The following TANK variants were observed in gnomAD, a reference collection of about 807,000 sequenced individuals.
The protein encoded by TANK is TRAF family member-associated NF-kappa-B activator.
A neutral mutation model predicts 43.6 loss-of-function variants in TANK; 15 were observed. That is an observed-to-expected ratio of 0.34 (90% CI 0.23 to 0.53). The LOEUF is 0.53. Ranked by LOEUF, TANK falls within the 20% of genes least tolerant of loss-of-function variation. TANK has a pLI of 0.94. For synonymous variants in TANK, 162 were observed against 178.2 expected, an observed-to-expected ratio of 0.91 and a Z score of 0.73; for missense variants, 417 against 498.6, an observed-to-expected ratio of 0.84 and a Z score of 1.56.
At position 161,235,403 on chromosome 2, in the gene TANK, C is replaced by T; in HGVS notation, c.1163C>T (p.Ser388Leu). Residue 388 changes from serine (S) to leucine (L), a missense_variant, in exon 8 of 8, where the codon TCA becomes TTA. Transcript: ENST00000392749. ...TCGGTGGTACTAAGTGGCACAGACT[C>T]AGAACTGCATATACCTCGAGTATGT... The part of the protein sequence containing the change: ...SDSVVLSGTD[S>L]ELHIPRVCEF... 18 of 1,613,542 alleles carry T rather than the reference C, an allele frequency of 1.1e-5. No individual in the cohort carries two copies. The highest frequency in any genetic ancestry group is 1.5e-5 in the Non-Finnish European group (18 of 1,179,744).
At position 161,203,104 on chromosome 2, in the gene TANK, T is replaced by A. The variant is rs1686493318; in HGVS notation, c.100-383T>A. On this transcript the variant is annotated intron_variant, in intron 2 of 7. Coordinates refer to ENST00000392749, the MANE Select transcript of TANK (RefSeq NM_001199135.3). ...TGAAAGACACAAAATCTTAATTTTT[T>A]AAGTTAGTATGTATTTTTAAAGAAT... The A allele has an allele frequency of 1.7e-5, 4 of 239,362 alleles. No individual in the cohort carries two copies. The South Asian group carries it at 1.8e-4, about 10-fold the overall frequency. 14.8% of individuals were successfully genotyped at this position (239,362 alleles called of 1,614,324 possible).
chr2:161,145,133 CTTTTTT>C (rs144526006), intron 1 of TANK, among the ~76,000 whole-genome samples: 6 of 32,878 alleles, frequency 1.8e-4, no homozygotes, highest in East Asian at 2.3e-3. Flanking sequence ...GCAACCCCTG[CTTTTTT>C]TTTTTTTTTT....
chr2:161,137,802 C>T (rs929679381), intron 1 of TANK: 4 of 151,802 alleles, frequency 2.6e-5, no homozygotes, highest in Admixed American at 2.0e-4. Flanking sequence ...GATGAAACCC[C>T]GTCTCTACTA....
intron 1 of TANK, among the ~76,000 whole-genome samples, chr2:161,164,849 G>A (rs778557843): frequency 7.9e-5 from 12 of 151,932 alleles, no homozygotes; most frequent in East Asian, 1.9e-4. Flanking sequence ...TTAAAGGGAC[G>A]TATTTTTCTT....
At position 161,231,000 on chromosome 2, in the gene TANK, A is replaced by G; in HGVS notation, c.550A>G (p.Thr184Ala). ...ETQCSVPIQC[T>A]DKTDKQEALF... ...ACAGTGCTCTGTGCCTATACAGTGT[A>G]CGGATAAAACAGATAAACAAGAAGC... Residue 184 changes from threonine (T) to alanine (A), a missense_variant, in exon 7 of 8, where the codon ACG becomes GCG. By Grantham distance (58) the Thr-to-Ala change is moderately conservative. Coordinates refer to ENST00000392749, the MANE Select transcript of TANK (RefSeq NM_001199135.3). 5 of 1,614,178 alleles carry G rather than the reference A, an allele frequency of 3.1e-6. No homozygotes were observed. In the South Asian group the frequency reaches 5.5e-5, roughly 18 times the overall value.
At chr2:161,233,844 G>A (rs1688043997) in intron 7 of TANK, among the ~76,000 whole-genome samples, 1 of 151,854 alleles carries the variant, frequency 6.6e-6, no homozygotes, top group Non-Finnish European at 1.5e-5. Flanking sequence ...ACAGTGATTT[G>A]TACTTTTTTG....
intron 2 of TANK, among the ~76,000 whole-genome samples, chr2:161,189,266 C>A (rs1685807410): frequency 6.6e-6 from 1 of 152,086 alleles, no homozygotes; most frequent in Non-Finnish European, 1.5e-5. Context: ...ATGTAATATA[C>A]CACGTTAACA....
At chr2:161,172,117 C>T (rs1388960745) in intron 1 of TANK, among the ~76,000 whole-genome samples, 1 of 152,054 alleles carries the variant, frequency 6.6e-6, no homozygotes, top group African/African-American at 2.4e-5. Flanking sequence ...GATAACATTT[C>T]TACATATTGG....
rs200697026 is a variant in TANK at position 161,224,683 on chromosome 2, T to C, written c.457T>C (p.Cys153Arg). 6.3e-6 allele frequency: 10 copies of C among 1,592,158 alleles called. No homozygotes were observed. Among genetic ancestry groups the C allele is most frequent in the Admixed American group, 1.7e-5 (1 of 57,762 alleles). The change falls in exon 6 of 8, where the codon TGC becomes CGC. Residue 153 changes from cysteine (C) to arginine (R), a missense_variant. Cys to Arg is a radical substitution (Grantham distance 180). Coordinates refer to ENST00000392749, the MANE Select transcript of TANK (RefSeq NM_001199135.3). Reference protein sequence around the residue: ...WDLKEEFHKICMLAKAQKDHL... With the variant: ...WDLKEEFHKIRMLAKAQKDHL... ...TCTGAAAGAAGAATTTCATAAAATA[T>C]GCATGCTAGCAAAAGCACAGAAAGA...
At chr2:161,161,142 A>G (rs1175872714) in intron 1 of TANK, 24 of 1,370,442 alleles carry the variant, frequency 1.8e-5, no homozygotes, top group Non-Finnish European at 2.1e-5. Context: ...ACTAGCAACG[A>G]GTTACAGGCA....
chr2:161,205,481 C>A (rs1036455904), intron 4 of TANK, among the ~76,000 whole-genome samples: 1 of 152,014 alleles, frequency 6.6e-6, no homozygotes, highest in Non-Finnish European at 1.5e-5. Context: ...GCTTTTTCTT[C>A]AATAGTCTGT....
chr2:161,222,114 A>C (rs748131159), intron 4 of TANK, among the ~76,000 whole-genome samples: 3 of 152,052 alleles, frequency 2.0e-5, no homozygotes, highest in African/African-American at 7.2e-5. Flanking sequence ...TTAGTTTTTT[A>C]ATACTTCTTT....
chr2:161,176,951 C>T (rs952095073), intron 1 of TANK, among the ~76,000 whole-genome samples: 3 of 152,092 alleles, frequency 2.0e-5, no homozygotes, highest in Non-Finnish European at 4.4e-5. Flanking sequence ...ATATTATAGT[C>T]CCTGTGACTA....
chr2:161,179,977 T>C, intron 2 of TANK: 1 of 1,225,936 alleles, frequency 8.2e-7, no homozygotes, highest in Non-Finnish European at 1.0e-6. Flanking sequence ...GATGGGCTCC[T>C]TTTCAGGTGA....
intron 1 of TANK, among the ~76,000 whole-genome samples, chr2:161,139,295 T>C (rs895748127): frequency 1.3e-5 from 2 of 152,208 alleles, no homozygotes; most frequent in African/African-American, 4.8e-5. Context: ...AGAATGAGGT[T>C]GGCTGTTGGT....
intron 1 of TANK, among the ~76,000 whole-genome samples, chr2:161,151,072 A>G (rs1684066528): frequency 6.6e-6 from 1 of 152,178 alleles, no homozygotes; most frequent in African/African-American, 2.4e-5. Flanking sequence ...TAATTTGCAC[A>G]TATTTGTAAA....
chr2:161,157,400 G>T (rs1331018195), upstream of TANK, among the ~76,000 whole-genome samples: 4 of 152,156 alleles, frequency 2.6e-5, no homozygotes, highest in Admixed American at 2.6e-4. Context: ...ATACACAGTG[G>T]CCCTGGTTGT....
chr2:161,175,904 T>A lies in TANK; in HGVS notation c.-49-3710T>A, dbSNP rs138036341. 2.6e-4 allele frequency among the ~76,000 whole-genome samples: 39 copies of A among 152,284 alleles called. 1 individual carries two copies. Among genetic ancestry groups the A allele is most frequent in the Admixed American group, 2.6e-4 (4 of 15,280 alleles). ...AGAACTGCAGGGGACAAGATTGGGT[T>A]GGTGATTTGCATTGAGCTAGCCCTG... On this transcript the variant is annotated intron_variant, in intron 1 of 7. Coordinates refer to ENST00000392749, the MANE Select transcript of TANK (RefSeq NM_001199135.3).
chr2:161,231,577 A>T, intron 7 of TANK, 26 bp downstream of exon 7: 1 of 1,589,946 alleles, frequency 6.3e-7, no homozygotes, highest in Non-Finnish European at 8.6e-7. Flanking sequence ...TAACAAATAT[A>T]TTATTATGTG....
Sources: gnomAD v4.1 joint callset for allele counts (sites outside exome capture counted in the v4.1 genomes callset) on GRCh38, gnomAD v4.1.1 for gene constraint, MANE v1.5 for transcripts, NCBI Gene and HGNC (gene_info 2026-07-23, HGNC 2026-07-21) for gene names.